The following PCDHGB1 variants were observed in gnomAD, a reference collection of about 807,000 sequenced individuals.
PCDHGB1 encodes protocadherin gamma-B1.
A neutral mutation model predicts 56.6 loss-of-function variants in PCDHGB1; 34 were observed. The observed-to-expected ratio is 0.60, with a 90% CI of 0.46 to 0.80. The LOEUF is 0.80. Among genes scored for constraint, PCDHGB1 ranks in the 30% least tolerant of loss-of-function variants. The probability of loss-of-function intolerance (pLI) is 0.00; values close to 1 mark genes in which losing one functional copy is unlikely to be tolerated. For synonymous variants in PCDHGB1, 561 were observed against 505.9 expected, an observed-to-expected ratio of 1.11 and a Z score of -1.46; for missense variants, 1,278 against 1,204.6, an observed-to-expected ratio of 1.06 and a Z score of -0.90.
intron 1 of PCDHGB1, chr5:141,418,660 T>C (rs1377720154): frequency 6.2e-7 from 1 of 1,614,024 alleles, no homozygotes; most frequent in Admixed American, 1.7e-5. Context: ...TGAAGGCCAC[T>C]GACCAGGACG....
intron 2 of PCDHGB1, among the ~76,000 whole-genome samples, chr5:141,503,638 T>C (rs1467962880): frequency 1.3e-5 from 2 of 151,908 alleles, no homozygotes; most frequent in Non-Finnish European, 2.9e-5. Flanking sequence ...AAATAATTAT[T>C]GAATCAATGG....
intron 1 of PCDHGB1, among the ~76,000 whole-genome samples, chr5:141,488,351 C>G (rs1467834410): frequency 6.6e-6 from 1 of 152,132 alleles, no homozygotes; most frequent in African/African-American, 2.4e-5. Context: ...AAACAGCCAC[C>G]CTGTGCATCT....
intron 1 of PCDHGB1, chr5:141,384,518 C>A: frequency 1.2e-6 from 2 of 1,614,192 alleles, no homozygotes; most frequent in South Asian, 2.2e-5. Context: ...AGCGGGGACC[C>A]GCCTCTCAGC....
At chr5:141,368,178 A>G (rs1230488076) in intron 1 of PCDHGB1, among the ~76,000 whole-genome samples, 3 of 152,200 alleles carry the variant, frequency 2.0e-5, no homozygotes, top group Non-Finnish European at 4.4e-5. Context: ...TCAAATAATG[A>G]CTAAATAAGG....
At chr5:141,389,542 G>C in intron 1 of PCDHGB1, 1 of 1,613,198 alleles carries the variant, frequency 6.2e-7, no homozygotes, top group Non-Finnish European at 8.5e-7. Flanking sequence ...GTGGACGACC[G>C]CAACGACAAT....
rs200724467 is a variant in PCDHGB1 at position 141,399,395 on chromosome 5, G to A, written c.2409+46726G>A. 5,303 of 1,613,964 alleles carry A rather than the reference G, an allele frequency of 3.3e-3. 153 individuals carry two copies. In the South Asian group the frequency reaches 0.047, roughly 14 times the overall value. ...AATGTCACCATCACAGCCACAGACA[G>A]GGGCAAGCCGCCCCTCTCCTCCAGC... On this transcript the variant is annotated intron_variant, in intron 1 of 3. Coordinates refer to ENST00000523390, the MANE Select transcript of PCDHGB1 (RefSeq NM_018922.3).
chr5:141,361,338 T>C, intron 1 of PCDHGB1: 2 of 1,613,948 alleles, frequency 1.2e-6, no homozygotes, highest in Non-Finnish European at 1.7e-6. Context: ...CAAAGAACTA[T>C]TACAAACTAG....
chr5:141,410,101 C>T, intron 1 of PCDHGB1: 1 of 1,612,490 alleles, frequency 6.2e-7, no homozygotes, highest in African/African-American at 1.3e-5. Flanking sequence ...GAGCCTTAGG[C>T]GACAGGGACG....
chr5:141,398,092 T>C (rs748472174), intron 1 of PCDHGB1: 19 of 1,598,994 alleles, frequency 1.2e-5, no homozygotes, highest in Non-Finnish European at 1.6e-5. Flanking sequence ...ACCTGGCGTC[T>C]CCAGGCTGGT....
At chr5:141,366,853 A>C in intron 1 of PCDHGB1, 1 of 1,431,818 alleles carries the variant, frequency 7.0e-7, no homozygotes, top group Non-Finnish European at 9.4e-7. Flanking sequence ...AAATAGTGGA[A>C]CATTATTTGC....
In PCDHGB1 at chr5:141,350,362, G is replaced by T; in HGVS notation, c.102G>T (p.Thr34=). The change falls in exon 1 of 4, where the codon ACG becomes ACT. Residue 34 remains threonine, a synonymous_variant. Coordinates refer to ENST00000523390, the MANE Select transcript of PCDHGB1 (RefSeq NM_018922.3). ...CGAISQQIRY[T]IPEELANGSR... ...CCATCTCCCAGCAGATCCGATACACGATTCCAGAGGAGCTAGCCAACGGCT... is the reference window on the plus strand; with the variant it reads ...CCATCTCCCAGCAGATCCGATACACTATTCCAGAGGAGCTAGCCAACGGCT... The T allele has an allele frequency of 6.4e-7, 1 of 1,572,076 alleles. No homozygotes were observed.
chr5:141,370,583 T>C lies in PCDHGB1; in HGVS notation c.2409+17914T>C, dbSNP rs376045764. 30 of 1,613,706 alleles carry C rather than the reference T, an allele frequency of 1.9e-5. No individual in the cohort carries two copies. In the African/African-American group the frequency reaches 3.6e-4, roughly 19 times the overall value. Reference sequence around the variant, plus strand: ...GGTTTGGCGTGGGGGATTTACCTACTAGGAACCTGCGGGTTATTGCAGAGA... The same window carrying C: ...GGTTTGGCGTGGGGGATTTACCTACCAGGAACCTGCGGGTTATTGCAGAGA... On this transcript the variant is annotated intron_variant, in intron 1 of 3. Coordinates refer to ENST00000523390, the MANE Select transcript of PCDHGB1 (RefSeq NM_018922.3).
chr5:141,400,743 C>G (rs1404866842), intron 1 of PCDHGB1: 1 of 611,332 alleles, frequency 1.6e-6, no homozygotes, highest in Non-Finnish European at 2.8e-6. Flanking sequence ...AGAGTTTGCT[C>G]TTAGCTTCCT....
chr5:141,489,483 T>G lies in PCDHGB1; in HGVS notation c.2410-5324T>G. 1.9e-6 allele frequency: 3 copies of G among 1,613,980 alleles called. No individual in the cohort carries two copies. The highest frequency in any genetic ancestry group is 2.5e-6 in the Non-Finnish European group (3 of 1,180,008). ...GCTATTTTTCCCTGAGCTTGATGAG[T>G]GGTGCCCTGGCAGTGAATCAAAAGA... On this transcript the variant is annotated intron_variant, in intron 1 of 3. Coordinates refer to ENST00000523390, the MANE Select transcript of PCDHGB1 (RefSeq NM_018922.3). This position sits in a 1 kb window ranked among gnomAD's most constrained non-coding sequence, Gnocchi z 4.5.
In PCDHGB1 at chr5:141,361,408, A is replaced by C. The variant is rs1561523474; in HGVS notation, c.2409+8739A>C. ...AGAATACAATCTCACCATCACAGCC[A>C]CCGACGGGGGCAAGCCGCCCCTCTC... On this transcript the variant is annotated intron_variant, in intron 1 of 3. Coordinates refer to ENST00000523390, the MANE Select transcript of PCDHGB1 (RefSeq NM_018922.3). The C allele has an allele frequency of 3.1e-6, 5 of 1,614,054 alleles. No homozygotes were observed. In the South Asian group the frequency reaches 5.5e-5, roughly 18 times the overall value.
intron 1 of PCDHGB1, among the ~76,000 whole-genome samples, chr5:141,380,346 GTTGT>G (rs1424822944): frequency 2.0e-5 from 3 of 152,066 alleles, no homozygotes; most frequent in Non-Finnish European, 2.9e-5. Context: ...GAACTGTTTT[GTTGT>G]TTGTTTTTTA....
chr5:141,429,760 C>A (rs1036499079), intron 1 of PCDHGB1, among the ~76,000 whole-genome samples: 1 of 152,020 alleles, frequency 6.6e-6, no homozygotes, highest in Non-Finnish European at 1.5e-5. Flanking sequence ...AATTTTTTCC[C>A]TATATTTTGA....
At position 141,432,781 on chromosome 5, in the gene PCDHGB1, C is replaced by T. The variant is rs761954375; in HGVS notation, c.2410-62026C>T. On this transcript the variant is annotated intron_variant, in intron 1 of 3. Coordinates refer to ENST00000523390, the MANE Select transcript of PCDHGB1 (RefSeq NM_018922.3). This position sits in a 1 kb window ranked among gnomAD's most constrained non-coding sequence, Gnocchi z 6.0. ...ACAGCATCCCCCAAGTCCTGGCGGA[C>T]CTCGGCAGCCTCGAGTCTCCAGCTA... The T allele has an allele frequency of 3.1e-6, 5 of 1,614,064 alleles. No homozygotes were observed. The Admixed American group carries it at 8.3e-5, about 27-fold the overall frequency.
At chr5:141,398,014 C>T in intron 1 of PCDHGB1, 1 of 1,420,276 alleles carries the variant, frequency 7.0e-7, no homozygotes, top group South Asian at 1.5e-5. Context: ...AGAATCGTTT[C>T]CTAAACTGGA....
Sources: gnomAD v4.1 joint callset for allele counts (sites outside exome capture counted in the v4.1 genomes callset) on GRCh38, gnomAD v4.1.1 for gene constraint, Gnocchi (gnomAD v3.1) non-coding constraint, MANE v1.5 for transcripts, NCBI Gene and HGNC (gene_info 2026-07-23, HGNC 2026-07-21) for gene names.